LOC128706666: variants seen among roughly 807,000 people sequenced by gnomAD.
At chr20:10,426,193 T>C in the LOC128706666 span, among the ~76,000 whole-genome samples, 1 of 152,222 alleles carries the variant, frequency 6.6e-6, no homozygotes, top group Non-Finnish European at 1.5e-5. Flanking sequence ...GTCAGTTAAC[T>C]GTGGCATTCA....
chr20:10,432,007 C>T, the LOC128706666 span: 10 of 152,318 alleles, frequency 6.6e-5, no homozygotes, highest in Non-Finnish European at 1.3e-4. Flanking sequence ...CCCTGACCCC[C>T]CTAAGGAATG....
the LOC128706666 span, among the ~76,000 whole-genome samples, chr20:10,423,246 C>A: frequency 6.6e-6 from 1 of 152,050 alleles, no homozygotes; most frequent in Non-Finnish European, 1.5e-5. Context: ...GTGGCAAAAC[C>A]CGTTTCTACA....
the LOC128706666 span, among the ~76,000 whole-genome samples, chr20:10,433,224 C>T: frequency 6.6e-6 from 1 of 152,206 alleles, no homozygotes. Context: ...CTGGCTGGCC[C>T]CAAACTCCTG....
chr20:10,429,665 G>C, the LOC128706666 span, among the ~76,000 whole-genome samples: 12 of 152,062 alleles, frequency 7.9e-5, no homozygotes, highest in Non-Finnish European at 1.6e-4. Context: ...TTTTCCTCAT[G>C]CTCCTCATCA....
the LOC128706666 span, among the ~76,000 whole-genome samples, chr20:10,432,448 C>T: frequency 6.6e-6 from 1 of 152,110 alleles, no homozygotes; most frequent in South Asian, 2.1e-4. Context: ...GGATTGCATC[C>T]AGGACCCATG....
the LOC128706666 span, among the ~76,000 whole-genome samples, chr20:10,427,131 C>G: frequency 3.3e-5 from 5 of 151,178 alleles, no homozygotes; most frequent in African/African-American, 1.2e-4. Context: ...ACTTCCCAAA[C>G]AGCTGGATCT....
chr20:10,420,982 C>A, the LOC128706666 span, among the ~76,000 whole-genome samples: 1 of 152,186 alleles, frequency 6.6e-6, no homozygotes, highest in Non-Finnish European at 1.5e-5. Context: ...GCAATACTGA[C>A]TTTTTGGCAA....
the LOC128706666 span, among the ~76,000 whole-genome samples, chr20:10,432,519 G>T: frequency 0.52 from 79,469 of 151,982 alleles, 21,376 homozygotes; most frequent in Non-Finnish European, 0.58. Flanking sequence ...TAGGCCAGAC[G>T]CCGTGGGTCA....
the LOC128706666 span, among the ~76,000 whole-genome samples, chr20:10,430,735 C>G: frequency 6.6e-6 from 1 of 152,090 alleles, no homozygotes; most frequent in African/African-American, 2.4e-5. Flanking sequence ...AAGTGAGAGC[C>G]AGGAAAGCTG....
the LOC128706666 span, among the ~76,000 whole-genome samples, chr20:10,433,874 C>G: frequency 6.6e-6 from 1 of 152,190 alleles, no homozygotes; most frequent in Non-Finnish European, 1.5e-5. Flanking sequence ...GGGAAGACCT[C>G]CTCGCCGCCC....
chr20:10,426,678 A>G, the LOC128706666 span, among the ~76,000 whole-genome samples: 1 of 152,260 alleles, frequency 6.6e-6, no homozygotes, highest in Non-Finnish European at 1.5e-5. Flanking sequence ...GATTACAGGC[A>G]TGAGCCATGC....
the LOC128706666 span, among the ~76,000 whole-genome samples, chr20:10,418,756 G>A: frequency 6.6e-6 from 1 of 152,036 alleles, no homozygotes; most frequent in Non-Finnish European, 1.5e-5. Context: ...CCTCCAAACT[G>A]TTAAGACATC....
At chr20:10,431,547 C>T in the LOC128706666 span, 25 of 151,838 alleles carry the variant, frequency 1.6e-4, no homozygotes, top group Non-Finnish European at 3.2e-4. Flanking sequence ...CAAACCAAAC[C>T]AAACCAAACC....
chr20:10,415,195 G>A, the LOC128706666 span, among the ~76,000 whole-genome samples: 1 of 152,136 alleles, frequency 6.6e-6, no homozygotes, highest in African/African-American at 2.4e-5. Context: ...ATCTGTTGAG[G>A]CCGGGTGTTT....
At chr20:10,424,137 T>C in the LOC128706666 span, among the ~76,000 whole-genome samples, 5 of 152,140 alleles carry the variant, frequency 3.3e-5, 1 homozygote, top group South Asian at 4.1e-4. Flanking sequence ...AAACAATAAG[T>C]ATCACACTGT....
chr20:10,427,986 A>G, the LOC128706666 span, among the ~76,000 whole-genome samples: 2 of 152,236 alleles, frequency 1.3e-5, no homozygotes, highest in African/African-American at 2.4e-5. Flanking sequence ...ATGCGTAAGT[A>G]TCTTATGTCT....
chr20:10,417,466 CCA>C, the LOC128706666 span, among the ~76,000 whole-genome samples: 1 of 151,454 alleles, frequency 6.6e-6, no homozygotes, highest in Non-Finnish European at 1.5e-5. Context: ...TAGAACTTAG[CCA>C]GGTGTGGTGG....
At chr20:10,433,663 T>C in the LOC128706666 span, among the ~76,000 whole-genome samples, 2 of 152,146 alleles carry the variant, frequency 1.3e-5, no homozygotes, top group African/African-American at 2.4e-5. Flanking sequence ...AGGGCCACGC[T>C]GCACAACGTC....
the LOC128706666 span, chr20:10,420,854 C>CT: frequency 6.6e-6 from 1 of 152,208 alleles, no homozygotes; most frequent in Non-Finnish European, 1.5e-5. Flanking sequence ...ATGCTGTACT[C>CT]TAACAAATGC....
Sources: gnomAD v4.1 joint callset for allele counts (sites outside exome capture counted in the v4.1 genomes callset) on GRCh38, gnomAD v4.1.1 for gene constraint, MANE v1.5 for transcripts.